The following VGLL4 variants were observed in gnomAD, a reference collection of about 807,000 sequenced individuals.
VGLL4 encodes vestigial like family member 4.
In VGLL4, 7 loss-of-function variants were observed where a neutral mutation model predicts 21.0. The ratio of observed to expected loss-of-function variants is 0.33; its 90% CI spans 0.19 to 0.63. The LOEUF is 0.63. Ranked by LOEUF, VGLL4 falls within the 20% of genes least tolerant of loss-of-function variation. The pLI, the probability that VGLL4 is intolerant of heterozygous loss-of-function variation, is 0.78. For synonymous variants in VGLL4, 222 were observed against 173.2 expected, an observed-to-expected ratio of 1.28 and a Z score of -2.21; for missense variants, 394 against 425.7, an observed-to-expected ratio of 0.93 and a Z score of 0.66.
At chr3:11,705,696 G>A (rs1226703935) in intron 1 of VGLL4, among the ~76,000 whole-genome samples, 1 of 152,208 alleles carries the variant, frequency 6.6e-6, no homozygotes, top group African/African-American at 2.4e-5. Context: ...AAAGATCTGG[G>A]TTTAAAGTCT....
chr3:11,708,402 G>C (rs1011080690), intron 1 of VGLL4, among the ~76,000 whole-genome samples: 2 of 152,164 alleles, frequency 1.3e-5, no homozygotes, highest in African/African-American at 4.8e-5. Context: ...GAAAAGGTGG[G>C]AGACAGCAGC....
intron 1 of VGLL4, among the ~76,000 whole-genome samples, chr3:11,630,639 T>C (rs1361509856): frequency 6.6e-6 from 1 of 151,872 alleles, no homozygotes; most frequent in African/African-American, 2.4e-5. Flanking sequence ...AGAGTGAAAC[T>C]CCGTCTCAAA....
chr3:11,559,259 C>T, intron 4 of VGLL4, 73 bp downstream of exon 4: 1 of 1,460,934 alleles, frequency 6.8e-7, no homozygotes, highest in Non-Finnish European at 9.1e-7. Context: ...AGGTTTCAGC[C>T]AACAGCATGA....
intron 2 of VGLL4, among the ~76,000 whole-genome samples, chr3:11,649,024 A>G (rs1250295114): frequency 6.6e-6 from 1 of 152,214 alleles, no homozygotes; most frequent in East Asian, 1.9e-4. Context: ...CTACTTCTAG[A>G]CTTCTGTCTT....
At chr3:11,604,439 G>T (rs1210069294) in intron 1 of VGLL4, 1 of 957,426 alleles carries the variant, frequency 1.0e-6, no homozygotes, top group African/African-American at 1.8e-5. Context: ...CAAAGGAAAA[G>T]AATCCGCACA....
intron 2 of VGLL4, among the ~76,000 whole-genome samples, chr3:11,572,461 C>T (rs774117243): frequency 2.2e-4 from 34 of 152,224 alleles, no homozygotes; most frequent in Non-Finnish European, 4.6e-4. Context: ...CGGGCCTTTT[C>T]TTTCCTCTGG....
Position 11,603,843 on chromosome 3 carries a change from T to C in VGLL4, c.83-1821A>G, listed in dbSNP as rs558522649. ...CAACCACTACAGCAACAGACTGAAA[T>C]CACTCCAAAAAAGGAGCCGTCACTC... On this transcript the variant is annotated intron_variant, in intron 1 of 4. Coordinates refer to ENST00000430365, the MANE Select transcript of VGLL4 (RefSeq NM_001128219.3). Among the ~76,000 whole-genome samples the C allele has an allele frequency of 1.5e-4, 23 of 152,210 alleles. No homozygotes were observed. The South Asian group carries it at 1.7e-3, about 11-fold the overall frequency.
Position 11,565,073 on chromosome 3 carries a change from A to G in VGLL4, c.273-54T>C, listed in dbSNP as rs1209431642. Reference sequence around the variant, plus strand: ...GCGTTTTCTCAAAGGCAAAGGGGACAGTGACTGTGCGCCAGGCACTCCGTG... The same window carrying G: ...GCGTTTTCTCAAAGGCAAAGGGGACGGTGACTGTGCGCCAGGCACTCCGTG... On this transcript the variant is annotated intron_variant, in intron 2 of 4. Coordinates refer to ENST00000430365, the MANE Select transcript of VGLL4 (RefSeq NM_001128219.3). This position sits in a 1 kb window ranked among gnomAD's most constrained non-coding sequence, Gnocchi z 4.1. 2 of 1,426,128 alleles carry G rather than the reference A, an allele frequency of 1.4e-6. No homozygotes were observed. The highest frequency in any genetic ancestry group is 1.8e-6 in the Non-Finnish European group (2 of 1,081,318). The allele number at this position is 1,426,128 out of a possible 1,614,324, so 88.3% of individuals were successfully genotyped here. A position where few individuals can be genotyped will look rare whatever the true frequency, so the allele number is the denominator to read the frequency against.
In VGLL4 at chr3:11,557,172, G is replaced by C. The variant is rs1415882419; in HGVS notation, c.*1384C>G. On this transcript the variant is annotated 3_prime_UTR_variant, in exon 5 of 5. Transcript: ENST00000430365. ...TCATTGACCAAAAAGGAGCAGCTGT[G>C]ACCTCCACAGCTGTGTCTGTCATGC... 1 of 152,744 alleles carries C rather than the reference G, an allele frequency of 6.5e-6. No individual in the cohort carries two copies. Among genetic ancestry groups the C allele is most frequent in the African/African-American group, 2.4e-5 (1 of 41,452 alleles). 9.5% of individuals were successfully genotyped at this position (152,744 alleles called of 1,614,324 possible). A position where few individuals can be genotyped will look rare whatever the true frequency, so the allele number is the denominator to read the frequency against.
At chr3:11,598,056 C>T (rs542346293) in intron 2 of VGLL4, among the ~76,000 whole-genome samples, 6 of 151,964 alleles carry the variant, frequency 3.9e-5, no homozygotes, top group East Asian at 1.9e-4. Context: ...GACATCATCT[C>T]GCTCTGTTGC....
At chr3:11,703,881 C>G (rs899529320) in intron 1 of VGLL4, among the ~76,000 whole-genome samples, 3 of 152,352 alleles carry the variant, frequency 2.0e-5, no homozygotes, top group South Asian at 2.1e-4. Flanking sequence ...GTACCTACTA[C>G]GTATGCACCG....
In VGLL4 at chr3:11,627,955, C is replaced by G. The variant is rs2075389879; in HGVS notation, c.82+15482G>C. ...GCTGCTCTAGTGCATAGGAGGATTA[C>G]TATGGTTAACAGTAAAAGATTGCAT... On this transcript the variant is annotated intron_variant, in intron 1 of 4. Transcript: ENST00000430365. 2.6e-5 allele frequency among the ~76,000 whole-genome samples: 4 copies of G among 152,168 alleles called. 1 individual carries two copies. Among genetic ancestry groups the G allele is most frequent in the Admixed American group, 1.3e-4 (2 of 15,278 alleles).
chr3:11,655,449 A>T (rs1268684677), intron 2 of VGLL4, among the ~76,000 whole-genome samples: 1 of 152,160 alleles, frequency 6.6e-6, no homozygotes, highest in Non-Finnish European at 1.5e-5. Context: ...GGATGGCACC[A>T]CCTGGTCATT....
At chr3:11,631,778 T>C (rs902007526) in intron 1 of VGLL4, among the ~76,000 whole-genome samples, 2 of 152,170 alleles carry the variant, frequency 1.3e-5, no homozygotes, top group African/African-American at 4.8e-5. Context: ...TAATTAATTA[T>C]GCCTCAATAA....
chr3:11,712,456 A>G (rs764727665), intron 1 of VGLL4, among the ~76,000 whole-genome samples: 35 of 152,366 alleles, frequency 2.3e-4, no homozygotes, highest in Non-Finnish European at 4.3e-4. Context: ...TTCCAGGTGT[A>G]TAGCATACAT....
chr3:11,679,610 G>A (rs2125378684), intron 2 of VGLL4, among the ~76,000 whole-genome samples: 1 of 152,230 alleles, frequency 6.6e-6, no homozygotes, highest in Non-Finnish European at 1.5e-5. Flanking sequence ...TTGAACCTGG[G>A]AGGCGGAGCT....
At chr3:11,598,913 T>C (rs1176299637) in intron 2 of VGLL4, among the ~76,000 whole-genome samples, 1 of 152,244 alleles carries the variant, frequency 6.6e-6, no homozygotes, top group Admixed American at 6.5e-5. Context: ...ACAAAAACCA[T>C]TTTGTAATCT....
In VGLL4 at chr3:11,603,894, G is replaced by A. The variant is rs143568431; in HGVS notation, c.83-1872C>T. 7.0e-4 allele frequency among the ~76,000 whole-genome samples: 106 copies of A among 152,294 alleles called. No homozygotes were observed. In the East Asian group the frequency reaches 8.5e-3, roughly 12 times the overall value. Reference sequence around the variant, plus strand: ...ATTCCACCAGCATACACTGTGACGCGGAAAGCAAAACCCTTGGGTTAAGAA... The same window carrying A: ...ATTCCACCAGCATACACTGTGACGCAGAAAGCAAAACCCTTGGGTTAAGAA... On this transcript the variant is annotated intron_variant, in intron 1 of 4. Coordinates refer to ENST00000430365, the MANE Select transcript of VGLL4 (RefSeq NM_001128219.3).
chr3:11,612,190 T>G (rs1294173224), intron 1 of VGLL4: 1 of 152,192 alleles, frequency 6.6e-6, no homozygotes, highest in Non-Finnish European at 1.5e-5. Context: ...TGTTATCACA[T>G]CCACACATTG....
Sources: allele counts gnomAD v4.1 joint callset (sites outside exome capture counted in the v4.1 genomes callset), GRCh38; gene constraint gnomAD v4.1.1; non-coding constraint Gnocchi (gnomAD v3.1); transcripts MANE v1.5; gene names NCBI Gene and HGNC (gene_info 2026-07-23, HGNC 2026-07-21).